MGA: variants seen among roughly 807,000 people sequenced by gnomAD.
MGA encodes MAX gene-associated protein.
A neutral mutation model predicts 261.1 loss-of-function variants in MGA; 40 were observed. The observed-to-expected ratio is 0.15, with a 90% CI of 0.12 to 0.20. The LOEUF is 0.20. MGA is among the 10% of genes least tolerant of loss of function. MGA has a pLI of 1.00. For missense variants in MGA, 3,397 were observed against 3,630.5 expected (o/e 0.94, Z 1.65); for synonymous variants, 1,302 against 1,290.6 (o/e 1.01, Z -0.19).
chr15:41,750,060 A>C lies in MGA; in HGVS notation c.6453A>C (p.Gln2151His), dbSNP rs373672449. 230 of 1,613,340 alleles carry C rather than the reference A, an allele frequency of 1.4e-4. No homozygotes were observed. Among genetic ancestry groups the C allele is most frequent in the Non-Finnish European group, 1.9e-4 (221 of 1,179,688 alleles). The change falls in exon 17 of 24, where the codon CAA becomes CAC. Residue 2151 changes from glutamine to histidine, a missense_variant. By Grantham distance (24) the Gln-to-His change is conservative. Transcript: ENST00000219905. ...CAGGAAGCAAAGTTATGGAGCAGCA[A>C]TCTAATCTACAGCCAGAGGCCAAAG...
rs539718633 is a variant in MGA, at chr15:41,681,584, G to T, written c.1064+11626G>T. On this transcript the variant is annotated intron_variant, in intron 2 of 23. Transcript: ENST00000219905. ...TCCCACCTCAGCCTCCCGAGTAGCTGAGACTATAAGTGTGTGCCTCCTCGC... is the reference window on the plus strand; with the variant it reads ...TCCCACCTCAGCCTCCCGAGTAGCTTAGACTATAAGTGTGTGCCTCCTCGC... 2.2e-4 allele frequency among the ~76,000 whole-genome samples: 34 copies of T among 152,056 alleles called. No homozygotes were observed. The South Asian group carries it at 2.5e-3, about 11-fold the overall frequency.
chr15:41,634,943 C>T (rs1327825992), intron 1 of MGA, among the ~76,000 whole-genome samples: 1 of 152,070 alleles, frequency 6.6e-6, no homozygotes, highest in East Asian at 1.9e-4. Context: ...TTTGATTTTG[C>T]AGTGGTGATG....
At chr15:41,693,231 A>G (rs968468290) in intron 2 of MGA, among the ~76,000 whole-genome samples, 2 of 151,854 alleles carry the variant, frequency 1.3e-5, no homozygotes, top group Non-Finnish European at 2.9e-5. Context: ...ATATGTATAC[A>G]TGTGCCATGC....
upstream of MGA, among the ~76,000 whole-genome samples, chr15:41,659,183 G>A (rs1351580367): frequency 6.6e-6 from 1 of 152,156 alleles, no homozygotes; most frequent in Non-Finnish European, 1.5e-5. Flanking sequence ...TAGCCTACAC[G>A]TTTTCTAGTT....
At chr15:41,670,918 C>T (rs775941085) in intron 2 of MGA, among the ~76,000 whole-genome samples, 1 of 152,208 alleles carries the variant, frequency 6.6e-6, no homozygotes, top group African/African-American at 2.4e-5. Flanking sequence ...ATACAAATAA[C>T]GACTCTGAAT....
intron 1 of MGA, among the ~76,000 whole-genome samples, chr15:41,631,740 G>A (rs2056591905): frequency 6.6e-6 from 1 of 151,874 alleles, no homozygotes; most frequent in African/African-American, 2.4e-5. Context: ...TTCATTAAAG[G>A]CAACCAACTG....
Position 41,696,148 on chromosome 15 carries a change from G to GT in MGA, c.1140dup (p.Ile381TyrfsTer2). 1 of 1,613,934 alleles carries GT rather than the reference G, an allele frequency of 6.2e-7. No individual in the cohort carries two copies. The highest frequency in any genetic ancestry group is 8.5e-7 in the Non-Finnish European group (1 of 1,179,886). On this transcript the variant is annotated frameshift_variant, in exon 3 of 24. Transcript: ENST00000219905. LOFTEE classifies it high-confidence loss of function. The stretch of plus-strand genomic sequence containing the variant: ...AGACCAGAACGGAAGCTTCAATGTT[G>GT]TTATTAAAGAGGAACCTCTAGATGA...
rs564372781 is a variant in MGA, at chr15:41,714,203, C to G, written c.3430+707C>G. On this transcript the variant is annotated intron_variant, in intron 9 of 23. Coordinates refer to ENST00000219905, the MANE Select transcript of MGA (RefSeq NM_001164273.2). Reference sequence around the variant, plus strand: ...ACTTCCTGTTGCTCTGTGTTCATTTCAATCAGAGATGATGATTAATATTTC... The same window carrying G: ...ACTTCCTGTTGCTCTGTGTTCATTTGAATCAGAGATGATGATTAATATTTC... Among the ~76,000 whole-genome samples, 17 of 152,266 alleles carry G rather than the reference C, an allele frequency of 1.1e-4. No individual in the cohort carries two copies. The South Asian group carries it at 3.5e-3, about 32-fold the overall frequency.
intron 1 of MGA, among the ~76,000 whole-genome samples, chr15:41,668,106 A>C (rs4371125): frequency 3.3e-5 from 5 of 151,298 alleles, no homozygotes; most frequent in Admixed American, 3.3e-4. Context: ...ACCTGGCATC[A>C]TATAGTATTA....
Position 41,699,082 on chromosome 15 carries a change from C to T in MGA, c.2111C>T (p.Ser704Phe). 1.2e-6 allele frequency: 2 copies of T among 1,611,396 alleles called. No individual in the cohort carries two copies. The highest frequency in any genetic ancestry group is 1.3e-5 in the African/African-American group (1 of 74,964). The stretch of plus-strand genomic sequence containing the variant: ...GGTGTAGGTTACAGAGCAAGAATTT[C>T]CCAGTTGGAAAAGGAATTGATAGAA... Residue 704 changes from serine (S) to phenylalanine (F), a missense_variant, in exon 5 of 24, where the codon TCC (serine) becomes TTC (phenylalanine). This residue lies in a region of MGA where 563 missense variants were observed against 563.6 expected (regional missense o/e 1.00). Transcript: ENST00000219905.
intron 22 of MGA, among the ~76,000 whole-genome samples, chr15:41,763,337 G>A (rs943518068): frequency 6.0e-5 from 9 of 150,934 alleles, no homozygotes; most frequent in African/African-American, 1.7e-4. Flanking sequence ...TCCTGACCTC[G>A]TGATCCGCCC....
chr15:41,700,661 T>G (rs563518842), intron 5 of MGA, among the ~76,000 whole-genome samples: 14 of 152,308 alleles, frequency 9.2e-5, no homozygotes, highest in African/African-American at 3.4e-4. Context: ...TGCTTAATCT[T>G]TAAAAAAACA....
intron 1 of MGA, among the ~76,000 whole-genome samples, chr15:41,625,203 A>G (rs2056418670): frequency 1.3e-5 from 2 of 152,210 alleles, no homozygotes. Flanking sequence ...ATAAAGACAA[A>G]GATGACAAAG....
chr15:41,695,032 TG>T (rs1269840970), intron 2 of MGA, among the ~76,000 whole-genome samples: 1 of 152,080 alleles, frequency 6.6e-6, no homozygotes, highest in Non-Finnish European at 1.5e-5. Flanking sequence ...TATATAGTGG[TG>T]TGTATAGTTT....
rs575786640 is a variant in MGA, at chr15:41,626,152, T to C, written c.-68+4854T>C. On this transcript the variant is annotated intron_variant, in intron 1 of 8. Transcript: ENST00000566718. Reference sequence around the variant, plus strand: ...AGACATACACTGGGGGATCTTGGAATGTATCCTGTGGGGATAAGAGGAGAA... The same window carrying C: ...AGACATACACTGGGGGATCTTGGAACGTATCCTGTGGGGATAAGAGGAGAA... 3.0e-4 allele frequency among the ~76,000 whole-genome samples: 46 copies of C among 152,356 alleles called. 1 individual carries two copies. The highest frequency in any genetic ancestry group is 1.0e-3 in the African/African-American group (43 of 41,592).
intron 2 of MGA, among the ~76,000 whole-genome samples, chr15:41,687,326 A>G: frequency 6.6e-6 from 1 of 152,258 alleles, no homozygotes; most frequent in Middle Eastern, 3.4e-3. Context: ...GTTATTTGTG[A>G]TGTGAAAATT....
chr15:41,737,088 A>G (rs915515112), intron 13 of MGA, among the ~76,000 whole-genome samples: 13 of 152,322 alleles, frequency 8.5e-5, no homozygotes, highest in African/African-American at 3.1e-4. Flanking sequence ...TTAGAACGGT[A>G]GGTGTAAGGG....
At position 41,748,640 on chromosome 15, in the gene MGA, A is replaced by C. The variant is rs201471965; in HGVS notation, c.5216A>C (p.Asn1739Thr). 95 of 1,606,774 alleles carry C rather than the reference A, an allele frequency of 5.9e-5. 1 individual carries two copies. The highest frequency in any genetic ancestry group is 7.1e-5 in the Non-Finnish European group (84 of 1,174,982). ...GTTTCCATTTCCTGTTTTTCAGAAA[A>C]TGCTGCTCAAATTCCAGTGGCTACT... Residue 1739 changes from asparagine to threonine, a missense_variant, in exon 16 of 24, where the codon AAT (asparagine) becomes ACT (threonine). Around this residue, in one of 9 missense-constraint regions of MGA, gnomAD observed 1,410 missense variants for 1,386.4 expected, o/e 1.02. Coordinates refer to ENST00000219905, the MANE Select transcript of MGA (RefSeq NM_001164273.2).
At chr15:41,668,696 A>G (rs1566951073) in intron 1 of MGA, 132 bp from the exon 2 acceptor site, 1 of 437,198 alleles carries the variant, frequency 2.3e-6, no homozygotes, top group East Asian at 3.2e-5. Context: ...AAAGCTTAGA[A>G]GCAAAGTCTT....
Sources: allele counts gnomAD v4.1 joint callset (sites outside exome capture counted in the v4.1 genomes callset), GRCh38; gene constraint gnomAD v4.1.1; regional missense constraint gnomAD v4.1.1; transcripts MANE v1.5; gene names NCBI Gene and HGNC (gene_info 2026-07-23, HGNC 2026-07-21).